The following COX7B2 variants were observed in gnomAD, a reference collection of about 807,000 sequenced individuals.
COX7B2 encodes cytochrome c oxidase subunit 7B2, mitochondrial.
For missense variants in COX7B2, 109 were observed against 95.9 expected (o/e 1.14, Z -0.57); for synonymous variants, 37 against 32.1 (o/e 1.15, Z -0.51).
At chr4:46,754,561 G>T (rs1354138064) in intron 2 of COX7B2, among the ~76,000 whole-genome samples, 1 of 128,504 alleles carries the variant, frequency 7.8e-6, no homozygotes, top group Non-Finnish European at 1.7e-5. Flanking sequence ...GGAGGGGGGA[G>T]GGATAGCATT....
chr4:46,903,540 A>C (rs1257350313), intron 1 of COX7B2, among the ~76,000 whole-genome samples: 1 of 152,058 alleles, frequency 6.6e-6, no homozygotes, highest in Non-Finnish European at 1.5e-5. Context: ...GTAATGTCCT[A>C]GGCCTTCACA....
intron 2 of COX7B2, among the ~76,000 whole-genome samples, chr4:46,782,829 G>A (rs560808489): frequency 1.7e-3 from 264 of 152,216 alleles, no homozygotes; most frequent in Non-Finnish European, 3.0e-3. Flanking sequence ...GCGAGACCAC[G>A]AACCCACCAG....
intron 1 of COX7B2, among the ~76,000 whole-genome samples, chr4:46,880,816 G>C (rs1398098898): frequency 7.0e-6 from 1 of 143,744 alleles, no homozygotes; most frequent in Admixed American, 7.1e-5. Flanking sequence ...ACACAGGAAG[G>C]GGAATATCAC....
rs911425180 is a variant in COX7B2 at position 46,889,205 on chromosome 4, T to C, written c.-105+19955A>G. 1.7e-4 allele frequency among the ~76,000 whole-genome samples: 26 copies of C among 152,228 alleles called. 1 individual carries two copies. The highest frequency in any genetic ancestry group is 3.5e-4 in the Non-Finnish European group (24 of 68,040). ...GATAGAACTAGTTAAACCACCTTTA[T>C]AGATGGTTCTCATATTTCCTCCTCC... On this transcript the variant is annotated intron_variant, in intron 1 of 2. Coordinates refer to ENST00000355591, the MANE Select transcript of COX7B2 (RefSeq NM_130902.3).
chr4:46,860,279 C>G (rs1270443711), intron 1 of COX7B2, among the ~76,000 whole-genome samples: 2 of 152,178 alleles, frequency 1.3e-5, no homozygotes, highest in African/African-American at 2.4e-5. Context: ...TACCTACTAA[C>G]ACTGAAGAGC....
At chr4:46,874,459 A>G (rs1054130881) in intron 1 of COX7B2, among the ~76,000 whole-genome samples, 1 of 152,222 alleles carries the variant, frequency 6.6e-6, no homozygotes, top group Non-Finnish European at 1.5e-5. Flanking sequence ...AATGTGCAAA[A>G]CAAAAAACAA....
At position 46,908,738 on chromosome 4, in the gene COX7B2, C is replaced by CAAAAAA. The variant is rs34388680; in HGVS notation, c.-105+416_-105+421dup. Among the ~76,000 whole-genome samples, 14 of 121,056 alleles carry CAAAAAA rather than the reference C, an allele frequency of 1.2e-4. 1 individual carries two copies. Among genetic ancestry groups the CAAAAAA allele is most frequent in the African/African-American group, 3.2e-4 (10 of 30,912 alleles). 79.4% of individuals were successfully genotyped at this position (121,056 alleles called of 152,430 possible). A position where few individuals can be genotyped will look rare whatever the true frequency, so the allele number is the denominator to read the frequency against. ...GAAATGAAACAAAAAAGGAAAGTGG[C>CAAAAAA]AAAAAAAAAAAAAAAAAATCTGGCC... On this transcript the variant is annotated intron_variant, in intron 1 of 2. Transcript: ENST00000355591.
intron 1 of COX7B2, among the ~76,000 whole-genome samples, chr4:46,870,138 T>C (rs1251954306): frequency 6.6e-6 from 1 of 152,144 alleles, no homozygotes; most frequent in East Asian, 1.9e-4. Flanking sequence ...TCTGAGATTC[T>C]TTCCTCAGCT....
At chr4:46,779,180 T>C (rs145407534) in intron 2 of COX7B2, among the ~76,000 whole-genome samples, 2 of 152,334 alleles carry the variant, frequency 1.3e-5, no homozygotes, top group East Asian at 3.9e-4. Context: ...TATTATTACA[T>C]TTAATTCTCA....
chr4:46,827,628 C>T (rs1714785527), intron 2 of COX7B2, among the ~76,000 whole-genome samples: 1 of 152,060 alleles, frequency 6.6e-6, no homozygotes. Context: ...CGTAGCATAT[C>T]TGCACTAAAA....
intron 2 of COX7B2, among the ~76,000 whole-genome samples, chr4:46,766,440 C>T (rs1011231631): frequency 1.3e-5 from 2 of 152,034 alleles, no homozygotes; most frequent in African/African-American, 4.8e-5. Flanking sequence ...TGGCTCATGC[C>T]TGTAGTCCCA....
intron 1 of COX7B2, among the ~76,000 whole-genome samples, chr4:46,885,715 T>C (rs1577697928): frequency 6.6e-6 from 1 of 152,188 alleles, no homozygotes; most frequent in African/African-American, 2.4e-5. Flanking sequence ...TGGGTTTTTT[T>C]CTCATTTATC....
intron 2 of COX7B2, among the ~76,000 whole-genome samples, chr4:46,743,036 C>T (rs1483783382): frequency 6.6e-6 from 1 of 152,130 alleles, no homozygotes; most frequent in Admixed American, 6.5e-5. Context: ...CACTCTTTTT[C>T]CTTTCTGATA....
chr4:46,832,631 T>A (rs917326135), intron 2 of COX7B2, among the ~76,000 whole-genome samples: 1 of 152,122 alleles, frequency 6.6e-6, no homozygotes, highest in African/African-American at 2.4e-5. Context: ...GGAGGTGGTA[T>A]CTAGAGGGAG....
chr4:46,740,497 A>G (rs1393614046), intron 2 of COX7B2, among the ~76,000 whole-genome samples: 1 of 152,154 alleles, frequency 6.6e-6, no homozygotes, highest in Non-Finnish European at 1.5e-5. Context: ...AAGATGGTAC[A>G]AGTGATGAAA....
intron 2 of COX7B2, among the ~76,000 whole-genome samples, chr4:46,758,481 A>G (rs1715934671): frequency 6.6e-6 from 1 of 152,170 alleles, no homozygotes; most frequent in African/African-American, 2.4e-5. Flanking sequence ...TGAAAATTTC[A>G]TATATTTCCA....
intron 1 of COX7B2, among the ~76,000 whole-genome samples, chr4:46,892,515 G>C (rs1321390680): frequency 6.6e-6 from 1 of 152,106 alleles, no homozygotes; most frequent in African/African-American, 2.4e-5. Flanking sequence ...TTCCCCATCA[G>C]CTTATATGGA....
intron 1 of COX7B2, among the ~76,000 whole-genome samples, chr4:46,864,964 T>C (rs948779555): frequency 2.0e-5 from 3 of 152,150 alleles, no homozygotes; most frequent in Admixed American, 2.0e-4. Flanking sequence ...ATTATTATTA[T>C]GATTATTTCA....
At chr4:46,781,558 TCA>T (rs1243711868) in intron 2 of COX7B2, among the ~76,000 whole-genome samples, 1 of 152,214 alleles carries the variant, frequency 6.6e-6, no homozygotes. Flanking sequence ...CTCCTTGGCC[TCA>T]GTGTCCACTC....
Sources: allele counts gnomAD v4.1 joint callset (sites outside exome capture counted in the v4.1 genomes callset), GRCh38; gene constraint gnomAD v4.1.1; transcripts MANE v1.5; gene names NCBI Gene and HGNC (gene_info 2026-07-23, HGNC 2026-07-21).